GALNT17: variants seen among roughly 807,000 people sequenced by gnomAD.
The protein encoded by GALNT17 is polypeptide N-acetylgalactosaminyltransferase 17.
GALNT17 carries 29 observed loss-of-function variants against 63.7 expected under a neutral mutation model. The ratio of observed to expected loss-of-function variants is 0.46; its 90% CI spans 0.34 to 0.62. The LOEUF (loss-of-function observed/expected upper bound fraction) is 0.62. Ranked by LOEUF, GALNT17 falls within the 20% of genes least tolerant of loss-of-function variation. The pLI, the probability that GALNT17 is intolerant of heterozygous loss-of-function variation, is 0.01. For synonymous variants in GALNT17, 305 were observed against 318.3 expected (o/e 0.96, Z 0.45); for missense variants, 603 against 799.6 (o/e 0.75, Z 2.97).
chr7:71,425,725 A>C (rs977444438), intron 5 of GALNT17, among the ~76,000 whole-genome samples: 1 of 152,120 alleles, frequency 6.6e-6, no homozygotes, highest in Admixed American at 6.5e-5. Context: ...GATAGCTTTC[A>C]TTTATGCAAC....
At chr7:71,710,714 CT>C (rs754034113) in intron 9 of GALNT17, 46 bp from the exon 10 acceptor site, 4 of 1,604,448 alleles carry the variant, frequency 2.5e-6, no homozygotes, top group Non-Finnish European at 2.6e-6. Flanking sequence ...CCATGTCTCA[CT>C]CCTGCCTCCC....
chr7:71,708,342 G>C (rs1229426260), intron 9 of GALNT17, among the ~76,000 whole-genome samples: 1 of 152,296 alleles, frequency 6.6e-6, no homozygotes, highest in Non-Finnish European at 1.5e-5. Context: ...GCAGGGAAGA[G>C]AGCATGTGCA....
At chr7:71,607,486 G>C (rs1244462386) in intron 6 of GALNT17, among the ~76,000 whole-genome samples, 2 of 152,178 alleles carry the variant, frequency 1.3e-5, no homozygotes, top group Admixed American at 1.3e-4. Context: ...CAATAAGATA[G>C]AGGAGGGCTT....
chr7:71,301,104 A>C (rs1036025021), intron 1 of GALNT17, among the ~76,000 whole-genome samples: 1 of 151,696 alleles, frequency 6.6e-6, no homozygotes, highest in African/African-American at 2.4e-5. Flanking sequence ...TCTGGGCAAC[A>C]TAACAAGACC....
At chr7:71,624,151 A>T (rs574311791) in intron 6 of GALNT17, among the ~76,000 whole-genome samples, 9 of 152,274 alleles carry the variant, frequency 5.9e-5, no homozygotes, top group African/African-American at 2.2e-4. Context: ...TGTATTTGCC[A>T]CTACCCAGAG....
At chr7:71,142,673 G>C (rs1342602414) in intron 1 of GALNT17, among the ~76,000 whole-genome samples, 2 of 152,214 alleles carry the variant, frequency 1.3e-5, no homozygotes, top group Non-Finnish European at 2.9e-5. Flanking sequence ...GGGTGCGGTG[G>C]CTCACGCCTG....
At chr7:71,167,823 G>A (rs1353004742) in intron 1 of GALNT17, among the ~76,000 whole-genome samples, 2 of 152,092 alleles carry the variant, frequency 1.3e-5, no homozygotes, top group African/African-American at 4.8e-5. Context: ...CAAGGAAGTT[G>A]GGATTACAGG....
chr7:71,396,474 T>C (rs73360192), intron 3 of GALNT17, among the ~76,000 whole-genome samples: 18,403 of 152,206 alleles, frequency 0.12, 2,504 homozygotes, highest in African/African-American at 0.34. Context: ...TTCTTTGATT[T>C]ATGTGTCTAT....
At position 71,712,311 on chromosome 7, in the gene GALNT17, T is replaced by TC; in HGVS notation, c.*171dup. On this transcript the variant is annotated 3_prime_UTR_variant, in exon 11 of 11. Coordinates refer to ENST00000333538, the MANE Select transcript of GALNT17 (RefSeq NM_022479.3). Reference sequence around the variant, plus strand: ...ACAGGGACCCCGGATGAAGACTCTGTCCCCCCTCAGGCATTCAGCTGCCCA... The same window carrying TC: ...ACAGGGACCCCGGATGAAGACTCTGTCCCCCCCTCAGGCATTCAGCTGCCCA... 1.2e-5 allele frequency: 10 copies of TC among 801,028 alleles called. No individual in the cohort carries two copies. In the South Asian group the frequency reaches 1.7e-4, roughly 14 times the overall value. The allele number at this position is 801,028 out of a possible 1,614,324, so 49.6% of individuals were successfully genotyped here. A position where few individuals can be genotyped will look rare whatever the true frequency, so the allele number is the denominator to read the frequency against.
At chr7:71,638,483 C>A (rs979672230) in intron 6 of GALNT17, among the ~76,000 whole-genome samples, 7 of 152,124 alleles carry the variant, frequency 4.6e-5, no homozygotes, top group Non-Finnish European at 1.0e-4. Context: ...GCTGTCCCTC[C>A]CCTGGAAGGT....
intron 6 of GALNT17, among the ~76,000 whole-genome samples, chr7:71,591,765 C>A (rs62461686): frequency 0.01 from 1,536 of 152,020 alleles, 17 homozygotes; most frequent in Middle Eastern, 0.017. Context: ...CAGATTCCAG[C>A]GATTCTCCTG....
chr7:71,652,748 G>A lies in GALNT17; in HGVS notation c.1081-12663G>A, dbSNP rs946026622. ...ATGGCTTCCTAAGTGAATTCCTTTT[G>A]GTAAAAAGAAGAATTCCTGTCAGTA... On this transcript the variant is annotated intron_variant, in intron 6 of 10. Coordinates refer to ENST00000333538, the MANE Select transcript of GALNT17 (RefSeq NM_022479.3). 2.0e-5 allele frequency among the ~76,000 whole-genome samples: 3 copies of A among 152,084 alleles called. No individual in the cohort carries two copies. The South Asian group carries it at 6.2e-4, about 32-fold the overall frequency.
chr7:71,679,444 C>T (rs138053826), intron 9 of GALNT17, among the ~76,000 whole-genome samples: 1 of 152,268 alleles, frequency 6.6e-6, no homozygotes, highest in East Asian at 1.9e-4. Context: ...ATTCACTCAA[C>T]TAATATGTCT....
At chr7:71,571,141 G>T (rs923263968) in intron 5 of GALNT17, 144 bp from the exon 6 acceptor site, 1 of 621,844 alleles carries the variant, frequency 1.6e-6, no homozygotes. Context: ...CTGGAACCCA[G>T]TACATGCTAG....
At chr7:71,447,186 C>T (rs561845924) in intron 5 of GALNT17, among the ~76,000 whole-genome samples, 1 of 152,320 alleles carries the variant, frequency 6.6e-6, no homozygotes, top group South Asian at 2.1e-4. Flanking sequence ...ACTGCTCCCA[C>T]TTTAGGCACT....
At chr7:71,264,314 CTG>C (rs1790448525) in intron 1 of GALNT17, among the ~76,000 whole-genome samples, 1 of 152,130 alleles carries the variant, frequency 6.6e-6, no homozygotes, top group South Asian at 2.1e-4. Context: ...TTCATTCTCC[CTG>C]TGTTTTTTGG....
At chr7:71,677,339 A>G in intron 9 of GALNT17, 33 bp downstream of exon 9, 1 of 1,599,130 alleles carries the variant, frequency 6.3e-7, no homozygotes, top group South Asian at 1.1e-5. Flanking sequence ...GAAGGAAGTA[A>G]TATCACCATC....
intron 6 of GALNT17, among the ~76,000 whole-genome samples, chr7:71,584,364 C>T (rs756960927): frequency 3.3e-5 from 5 of 152,060 alleles, no homozygotes; most frequent in African/African-American, 4.8e-5. Flanking sequence ...GAAACATACA[C>T]GAAGATAGCA....
At chr7:71,565,039 G>C (rs1484283265) in intron 5 of GALNT17, among the ~76,000 whole-genome samples, 5 of 152,186 alleles carry the variant, frequency 3.3e-5, no homozygotes, top group African/African-American at 1.2e-4. Context: ...GGCTGAAGCA[G>C]GTGAATAACT....
Sources: allele counts gnomAD v4.1 joint callset (sites outside exome capture counted in the v4.1 genomes callset), GRCh38; gene constraint gnomAD v4.1.1; transcripts MANE v1.5; gene names NCBI Gene and HGNC (gene_info 2026-07-23, HGNC 2026-07-21).